TMEM132C: variants seen among roughly 807,000 people sequenced by gnomAD.
The protein encoded by TMEM132C is protein phosphatase 1, regulatory subunit 152.
TMEM132C carries 29 observed loss-of-function variants against 61.4 expected under a neutral mutation model. The observed-to-expected ratio is 0.47, with a 90% CI of 0.35 to 0.64. The LOEUF is 0.64. Ranked by LOEUF, TMEM132C falls within the 30% of genes least tolerant of loss-of-function variation. The probability of loss-of-function intolerance (pLI) is 0.00; values close to 1 mark genes in which losing one functional copy is unlikely to be tolerated. For missense variants in TMEM132C, 1,408 were observed against 1,476.9 expected (o/e 0.95, Z 0.76); for synonymous variants, 656 against 633.1 (o/e 1.04, Z -0.54).
chr12:128,289,825 A>G (rs535801302), intron 1 of TMEM132C, among the ~76,000 whole-genome samples: 29 of 152,262 alleles, frequency 1.9e-4, no homozygotes, highest in African/African-American at 6.7e-4. Context: ...TGTTTTACAT[A>G]CTAATTGCAT....
chr12:128,640,757 C>T (rs1052996493), intron 4 of TMEM132C, among the ~76,000 whole-genome samples: 3 of 152,086 alleles, frequency 2.0e-5, no homozygotes, highest in Non-Finnish European at 2.9e-5. Flanking sequence ...TGTAGTGACA[C>T]AAACCTGTAG....
At chr12:128,604,123 A>C (rs910190275) in intron 3 of TMEM132C, among the ~76,000 whole-genome samples, 3 of 152,236 alleles carry the variant, frequency 2.0e-5, no homozygotes, top group Admixed American at 1.3e-4. Flanking sequence ...AGGGTTCCCC[A>C]GAGACATAGA....
Position 128,414,975 on chromosome 12 carries a change from T to C in TMEM132C, c.329T>C (p.Leu110Pro), listed in dbSNP as rs765095924. The change falls in exon 2 of 9, where the codon CTG (leucine) becomes CCG (proline). Residue 110 changes from leucine to proline, a missense_variant. Coordinates refer to ENST00000435159, the MANE Select transcript of TMEM132C (RefSeq NM_001136103.3). ...GPFSVEKVVP[L>P]DLMLTSNFLG... ...TTTTCTGTGGAGAAGGTTGTGCCTC[T>C]GGACTTGATGTTGACTTCAAACTTT... 6.4e-7 allele frequency: 1 copy of C among 1,551,984 alleles called. No homozygotes were observed. Among genetic ancestry groups the C allele is most frequent in the East Asian group, 2.4e-5 (1 of 40,914 alleles).
At chr12:128,440,061 ATG>A (rs1325403602) in intron 2 of TMEM132C, among the ~76,000 whole-genome samples, 1 of 152,148 alleles carries the variant, frequency 6.6e-6, no homozygotes, top group Admixed American at 6.5e-5. Flanking sequence ...AAGGGAGGAA[ATG>A]TCTACTTATA....
chr12:128,319,924 C>G (rs541709114), intron 1 of TMEM132C, among the ~76,000 whole-genome samples: 1 of 151,968 alleles, frequency 6.6e-6, no homozygotes. Context: ...AAGTCCTGCT[C>G]TGTGTGAGAT....
At chr12:128,544,394 G>T (rs1218203490) in intron 3 of TMEM132C, among the ~76,000 whole-genome samples, 1 of 152,212 alleles carries the variant, frequency 6.6e-6, no homozygotes, top group African/African-American at 2.4e-5. Flanking sequence ...GACTTTCTGG[G>T]GGCCTTGCCC....
chr12:128,504,738 T>C (rs1872300305), intron 2 of TMEM132C, among the ~76,000 whole-genome samples: 1 of 144,700 alleles, frequency 6.9e-6, no homozygotes, highest in Non-Finnish European at 1.5e-5. Context: ...CAGATAATCT[T>C]CATTACCTCC....
At chr12:128,458,746 T>C (rs531547219) in intron 2 of TMEM132C, among the ~76,000 whole-genome samples, 7 of 152,288 alleles carry the variant, frequency 4.6e-5, no homozygotes, top group African/African-American at 1.7e-4. Flanking sequence ...AGTTTCAAGC[T>C]ACCAACATGA....
intron 5 of TMEM132C, among the ~76,000 whole-genome samples, chr12:128,670,390 C>A (rs1954520429): frequency 6.6e-6 from 1 of 152,154 alleles, no homozygotes; most frequent in Non-Finnish European, 1.5e-5. Context: ...CTTCTCCTGT[C>A]TAACTGATAT....
intron 3 of TMEM132C, among the ~76,000 whole-genome samples, chr12:128,605,913 C>T (rs964964552): frequency 6.6e-6 from 1 of 152,222 alleles, no homozygotes; most frequent in Non-Finnish European, 1.5e-5. Context: ...TCCTTCTTCT[C>T]TGAGAATCAC....
chr12:128,573,210 T>C (rs1284510116), intron 3 of TMEM132C, among the ~76,000 whole-genome samples: 1 of 152,176 alleles, frequency 6.6e-6, no homozygotes, highest in African/African-American at 2.4e-5. Context: ...CCCAAATGTC[T>C]ATCAATGATA....
chr12:128,588,729 C>A (rs1287095702), intron 3 of TMEM132C, among the ~76,000 whole-genome samples: 1 of 152,164 alleles, frequency 6.6e-6, no homozygotes, highest in African/African-American at 2.4e-5. Context: ...TTTCCTTCCA[C>A]CAAGTGAGGA....
In TMEM132C at chr12:128,622,359, AAATATATATATATATATATATAT is replaced by A. The variant is rs1276039024; in HGVS notation, c.1305+6026_1305+6048del. Among the ~76,000 whole-genome samples the A allele has an allele frequency of 1.6e-3, 89 of 56,398 alleles. 3 individuals carry two copies. The highest frequency in any genetic ancestry group is 2.3e-3 in the Admixed American group (14 of 6,064). The allele number at this position is 56,398 out of a possible 152,430, so 37.0% of individuals were successfully genotyped here. On this transcript the variant is annotated intron_variant, in intron 4 of 8. Transcript: ENST00000435159. The stretch of plus-strand genomic sequence containing the variant: ...ACTTTGTCTCAAAAAAAAAAAAAAA[AAATATATATATATATATATATAT>A]ATATATATATATATATATAACCAGG...
At chr12:128,669,753 G>C (rs147582106) in intron 5 of TMEM132C, among the ~76,000 whole-genome samples, 193 bp downstream of exon 5, 36 of 152,246 alleles carry the variant, frequency 2.4e-4, no homozygotes, top group African/African-American at 8.4e-4. Context: ...CCTGGTTAGG[G>C]TTTTTGGTTC....
chr12:128,478,479 C>G (rs1213643717), intron 2 of TMEM132C, among the ~76,000 whole-genome samples: 2 of 152,212 alleles, frequency 1.3e-5, no homozygotes, highest in Non-Finnish European at 2.9e-5. Flanking sequence ...GCCCAAAGAA[C>G]ACTAGAAATT....
chr12:128,321,156 T>TA (rs1436168068), intron 1 of TMEM132C, among the ~76,000 whole-genome samples: 1 of 148,392 alleles, frequency 6.7e-6, no homozygotes, highest in African/African-American at 2.5e-5. Context: ...ATAATAATAA[T>TA]AATAATAATA....
chr12:128,391,745 A>G (rs1874770159), intron 1 of TMEM132C, among the ~76,000 whole-genome samples: 1 of 152,330 alleles, frequency 6.6e-6, no homozygotes, highest in South Asian at 2.1e-4. Flanking sequence ...ACAGATGCCA[A>G]GTGGCAGAAA....
chr12:128,416,616 T>G (rs1565929827), intron 2 of TMEM132C, among the ~76,000 whole-genome samples: 1 of 152,206 alleles, frequency 6.6e-6, no homozygotes, highest in African/African-American at 2.4e-5. Context: ...CATATTTCAT[T>G]TCTGTTTAAC....
intron 1 of TMEM132C, among the ~76,000 whole-genome samples, chr12:128,344,994 A>C (rs1308237388): frequency 6.6e-6 from 1 of 150,428 alleles, no homozygotes; most frequent in Non-Finnish European, 1.5e-5. Flanking sequence ...TGCTGCACAG[A>C]ACATCCCATC....
Sources: gnomAD v4.1 joint callset for allele counts (sites outside exome capture counted in the v4.1 genomes callset) on GRCh38, gnomAD v4.1.1 for gene constraint, MANE v1.5 for transcripts, NCBI Gene and HGNC (gene_info 2026-07-23, HGNC 2026-07-21) for gene names.